IL20RB: variants seen among roughly 807,000 people sequenced by gnomAD.
IL20RB encodes interleukin 20 receptor subunit beta, also known as interleukin-20 receptor subunit beta.
In IL20RB, 21 loss-of-function variants were observed where a neutral mutation model predicts 33.3. The observed-to-expected ratio is 0.63, with a 90% confidence interval of 0.45 to 0.91. The LOEUF (loss-of-function observed/expected upper bound fraction) is 0.91, where lower values mean the gene tolerates loss of function less well. Among genes scored for constraint, IL20RB ranks in the 40% least tolerant of loss-of-function variants. The pLI, the probability that IL20RB is intolerant of heterozygous loss-of-function variation, is 0.00. For missense variants in IL20RB, 345 were observed against 384.8 expected (o/e 0.90, Z 0.86); for synonymous variants, 147 against 146.8 (o/e 1.00, Z -0.01).
At chr3:137,002,141 A>G (rs988858746) in intron 6 of IL20RB, among the ~76,000 whole-genome samples, 11 of 152,272 alleles carry the variant, frequency 7.2e-5, no homozygotes, top group African/African-American at 2.2e-4. Context: ...TCCATGGTAT[A>G]TATGTGCCAC....
At chr3:136,994,912 T>G (rs1942097237) in intron 5 of IL20RB, among the ~76,000 whole-genome samples, 1 of 152,212 alleles carries the variant, frequency 6.6e-6, no homozygotes, top group African/African-American at 2.4e-5. Flanking sequence ...GCCTACAAAA[T>G]AGGGGCTTGA....
intron 1 of IL20RB, among the ~76,000 whole-genome samples, chr3:136,970,028 T>A (rs1941430906): frequency 6.6e-6 from 1 of 152,118 alleles, no homozygotes; most frequent in Non-Finnish European, 1.5e-5. Context: ...GTTTGTTTGT[T>A]TGTTTGCCTG....
chr3:136,992,600 C>T (rs1175390154), intron 5 of IL20RB, among the ~76,000 whole-genome samples: 1 of 152,164 alleles, frequency 6.6e-6, no homozygotes, highest in Non-Finnish European at 1.5e-5. Flanking sequence ...TGAAAAGAAG[C>T]AAAACCAAAC....
At chr3:136,970,610 G>A (rs1251585305) in intron 1 of IL20RB, among the ~76,000 whole-genome samples, 1 of 128,138 alleles carries the variant, frequency 7.8e-6, no homozygotes, top group Non-Finnish European at 1.8e-5. Context: ...AGTTATTCTA[G>A]TTTCCTTCCT....
At position 136,963,691 on chromosome 3, in the gene IL20RB, T is replaced by TAA. The variant is rs1479308453; in HGVS notation, c.88+5490_88+5491insAA. Among the ~76,000 whole-genome samples, 25 of 93,016 alleles carry TAA rather than the reference T, an allele frequency of 2.7e-4. No individual in the cohort carries two copies. The East Asian group carries it at 5.4e-3, about 20-fold the overall frequency. 61.0% of individuals were successfully genotyped at this position (93,016 alleles called of 152,430 possible). ...AGATACTAGTTCTTTTTTTTTTTTT[T>TAA]TATTTTTTTTTTTTATTATACTCTA... On this transcript the variant is annotated intron_variant, in intron 1 of 6. Transcript: ENST00000329582.
intron 6 of IL20RB, among the ~76,000 whole-genome samples, chr3:137,002,735 T>TTAC (rs1177319690): frequency 6.6e-6 from 1 of 152,204 alleles, no homozygotes; most frequent in Non-Finnish European, 1.5e-5. Flanking sequence ...TTCACTCTGA[T>TTAC]GGTAGTTTCT....
At chr3:136,982,785 C>A (rs143263298) in intron 3 of IL20RB, among the ~76,000 whole-genome samples, 1 of 152,170 alleles carries the variant, frequency 6.6e-6, no homozygotes, top group African/African-American at 2.4e-5. Flanking sequence ...CTTAACAGAG[C>A]CACCAGAAAA....
rs762212854 is a variant in IL20RB, at chr3:137,010,143, A to T, written c.856A>T (p.Ser286Cys). The T allele has an allele frequency of 6.2e-7, 1 of 1,603,576 alleles. No homozygotes were observed. The highest frequency in any genetic ancestry group is 8.5e-7 in the Non-Finnish European group (1 of 1,170,324). ...KITNSPQKLI[S>C]CRREEVDACA... ...AACCAATTCACCCCAGAAGTTAATCAGCTGCAGAAGGGAGGAGGTGGATGC... is the reference window on the plus strand; with the variant it reads ...AACCAATTCACCCCAGAAGTTAATCTGCTGCAGAAGGGAGGAGGTGGATGC... Residue 286 changes from serine to cysteine, a missense_variant, in exon 7 of 7, where the codon AGC (serine) becomes TGC (cysteine). By Grantham distance (112) the Ser-to-Cys change is moderately radical. Coordinates refer to ENST00000329582, the MANE Select transcript of IL20RB (RefSeq NM_144717.4).
In IL20RB at chr3:136,969,298, C is replaced by T. The variant is rs551880680; in HGVS notation, c.88+11097C>T. 6 of 117,692 alleles carry T rather than the reference C, an allele frequency of 5.1e-5. No individual in the cohort carries two copies. The South Asian group carries it at 8.7e-4, about 17-fold the overall frequency. The allele number at this position is 117,692 out of a possible 1,614,324, so 7.3% of individuals were successfully genotyped here. On this transcript the variant is annotated intron_variant, in intron 1 of 6. Coordinates refer to ENST00000329582, the MANE Select transcript of IL20RB (RefSeq NM_144717.4). ...ATGGCGGGCGCCCCTTCCCCAGCCT[C>T]GTTGCCGCCTTGCAGTTTGATCTCA...
At chr3:136,963,678 T>TC in intron 1 of IL20RB, among the ~76,000 whole-genome samples, 1 of 78,952 alleles carries the variant, frequency 1.3e-5, no homozygotes, top group Non-Finnish European at 2.4e-5. Context: ...ATACTAGTTC[T>TC]TTTTTTTTTT....
intron 1 of IL20RB, among the ~76,000 whole-genome samples, chr3:136,959,749 G>A (rs1577003791): frequency 6.6e-6 from 1 of 152,304 alleles, no homozygotes; most frequent in East Asian, 1.9e-4. Flanking sequence ...AACCTCAGTG[G>A]TGAAATCACA....
intron 6 of IL20RB, among the ~76,000 whole-genome samples, chr3:137,000,543 C>A (rs899558832): frequency 6.6e-6 from 1 of 152,196 alleles, no homozygotes; most frequent in Non-Finnish European, 1.5e-5. Flanking sequence ...AGTTGCTCTA[C>A]CATGATTTAA....
rs1356096994 is a variant in IL20RB at position 137,010,847 on chromosome 3, G to C, written c.*624G>C. 2 of 152,308 alleles carry C rather than the reference G, an allele frequency of 1.3e-5. No homozygotes were observed. Among genetic ancestry groups the C allele is most frequent in the Non-Finnish European group, 2.9e-5 (2 of 68,112 alleles). 9.4% of individuals were successfully genotyped at this position (152,308 alleles called of 1,614,324 possible). On this transcript the variant is annotated 3_prime_UTR_variant, in exon 7 of 7. Coordinates refer to ENST00000329582, the MANE Select transcript of IL20RB (RefSeq NM_144717.4). ...AGCGAGCTCTACAGTAGGTGACCTG[G>C]AGGAAGGTCACAGCCACACTGAAAA...
intron 6 of IL20RB, 61 bp downstream of exon 6, chr3:136,995,617 A>C: frequency 6.5e-7 from 1 of 1,528,068 alleles, no homozygotes; most frequent in Non-Finnish European, 9.0e-7. Context: ...TTTGGGCCTT[A>C]GCTGGGCATG....
intron 1 of IL20RB, among the ~76,000 whole-genome samples, chr3:136,979,539 G>A (rs1428224685): frequency 6.6e-6 from 1 of 152,206 alleles, no homozygotes; most frequent in Non-Finnish European, 1.5e-5. Context: ...ATGTGAGGAT[G>A]AAGTTTTTGG....
intron 3 of IL20RB, chr3:136,986,569 G>T (rs1941903919): frequency 4.8e-6 from 2 of 419,498 alleles, no homozygotes; most frequent in Admixed American, 2.5e-5. Context: ...GTTTTGCACA[G>T]TTGGCCCTGG....
intron 6 of IL20RB, among the ~76,000 whole-genome samples, chr3:137,006,574 T>G (rs889695216): frequency 2.0e-5 from 3 of 152,198 alleles, no homozygotes; most frequent in Non-Finnish European, 2.9e-5. Flanking sequence ...TACTGAAGCT[T>G]GTGCATGCGT....
chr3:136,971,913 C>G (rs1458047044), intron 1 of IL20RB, among the ~76,000 whole-genome samples: 4 of 152,166 alleles, frequency 2.6e-5, no homozygotes, highest in African/African-American at 7.2e-5. Flanking sequence ...AATCTCCATA[C>G]TGTTTTCCAT....
At chr3:136,976,325 G>A (rs1240476061) in intron 1 of IL20RB, among the ~76,000 whole-genome samples, 3 of 152,208 alleles carry the variant, frequency 2.0e-5, no homozygotes, top group Non-Finnish European at 4.4e-5. Context: ...CAGGTGGAAT[G>A]CATGGGTGAG....
Sources: gnomAD v4.1 joint callset for allele counts (sites outside exome capture counted in the v4.1 genomes callset) on GRCh38, gnomAD v4.1.1 for gene constraint, MANE v1.5 for transcripts, NCBI Gene and HGNC (gene_info 2026-07-23, HGNC 2026-07-21) for gene names.